ZDHHC14: variants seen among roughly 807,000 people sequenced by gnomAD.
The protein encoded by ZDHHC14 is palmitoyltransferase ZDHHC14.
ZDHHC14 carries 16 observed loss-of-function variants against 47.7 expected under a neutral mutation model. The ratio of observed to expected loss-of-function variants is 0.34; its 90% CI spans 0.23 to 0.51. The LOEUF (loss-of-function observed/expected upper bound fraction) is 0.51, where lower values mean the gene tolerates loss of function less well. ZDHHC14 is among the 20% of genes least tolerant of loss of function. The pLI is 0.97. For synonymous variants in ZDHHC14, 293 were observed against 278.9 expected, an observed-to-expected ratio of 1.05 and a Z score of -0.50; for missense variants, 515 against 662.5, an observed-to-expected ratio of 0.78 and a Z score of 2.44.
At chr6:157,573,847 C>T (rs1783193766) in intron 2 of ZDHHC14, among the ~76,000 whole-genome samples, 1 of 152,100 alleles carries the variant, frequency 6.6e-6, no homozygotes, top group Non-Finnish European at 1.5e-5. Context: ...CAGGGTCCAC[C>T]CTCCCACATC....
chr6:157,444,534 C>T (rs1445219746), intron 1 of ZDHHC14, among the ~76,000 whole-genome samples: 1 of 152,024 alleles, frequency 6.6e-6, no homozygotes, highest in Non-Finnish European at 1.5e-5. Flanking sequence ...AAAATTTAGC[C>T]GGGCATGGTG....
intron 4 of ZDHHC14, chr6:157,630,657 CAT>C: frequency 9.3e-6 from 1 of 107,316 alleles, no homozygotes; most frequent in East Asian, 4.0e-4. Context: ...CACCCACACT[CAT>C]ACTAGCCATA....
At chr6:157,652,051 G>C (rs895406151) in intron 7 of ZDHHC14, among the ~76,000 whole-genome samples, 1 of 152,220 alleles carries the variant, frequency 6.6e-6, no homozygotes, top group Middle Eastern at 3.2e-3. Context: ...AGGGAGGGTT[G>C]CAAAGCTGGT....
intron 2 of ZDHHC14, among the ~76,000 whole-genome samples, chr6:157,574,304 T>A (rs897877382): frequency 6.6e-6 from 1 of 152,060 alleles, no homozygotes; most frequent in African/African-American, 2.4e-5. Flanking sequence ...ATGCCTGTAA[T>A]CCCAGCTACT....
intron 2 of ZDHHC14, among the ~76,000 whole-genome samples, chr6:157,564,907 T>C (rs1782843595): frequency 6.6e-6 from 1 of 152,144 alleles, no homozygotes; most frequent in Non-Finnish European, 1.5e-5. Context: ...GATCTGTGGG[T>C]GAGCTTCTGC....
chr6:157,391,889 T>C (rs1274811425), intron 1 of ZDHHC14, among the ~76,000 whole-genome samples: 1 of 152,252 alleles, frequency 6.6e-6, no homozygotes, highest in Non-Finnish European at 1.5e-5. Flanking sequence ...ATTTCTCGGA[T>C]TCATTTATGT....
chr6:157,598,015 A>C (rs1784199755), intron 3 of ZDHHC14, among the ~76,000 whole-genome samples: 1 of 152,108 alleles, frequency 6.6e-6, no homozygotes, highest in Admixed American at 6.5e-5. Flanking sequence ...CGGGCACTTG[A>C]CTGCATCTTA....
intron 7 of ZDHHC14, among the ~76,000 whole-genome samples, chr6:157,652,592 C>T (rs1200265437): frequency 6.6e-5 from 10 of 152,174 alleles, no homozygotes; most frequent in Non-Finnish European, 8.8e-5. Context: ...AGCCCAGCAC[C>T]GTAGAGTACA....
At chr6:157,521,079 G>A (rs1780894168) in intron 1 of ZDHHC14, among the ~76,000 whole-genome samples, 2 of 152,206 alleles carry the variant, frequency 1.3e-5, no homozygotes, top group Non-Finnish European at 2.9e-5. Context: ...GGGATTGGGG[G>A]AGGGCAGGCC....
chr6:157,490,127 C>T (rs1251980636), intron 1 of ZDHHC14, among the ~76,000 whole-genome samples: 1 of 152,044 alleles, frequency 6.6e-6, no homozygotes, highest in African/African-American at 2.4e-5. Flanking sequence ...ACGCTCATGC[C>T]ATTTACCGGA....
intron 2 of ZDHHC14, among the ~76,000 whole-genome samples, chr6:157,569,868 T>C (rs532408593): frequency 2.6e-4 from 40 of 152,182 alleles, no homozygotes; most frequent in Non-Finnish European, 4.7e-4. Flanking sequence ...CTTTGTAGTT[T>C]CCAACTGTTT....
intron 1 of ZDHHC14, among the ~76,000 whole-genome samples, chr6:157,443,975 T>C (rs17231509): frequency 6.6e-6 from 1 of 151,860 alleles, no homozygotes; most frequent in African/African-American, 2.4e-5. Flanking sequence ...TGTTATCTTA[T>C]TATTTTTCAG....
At chr6:157,531,505 C>T (rs955102925) in intron 1 of ZDHHC14, among the ~76,000 whole-genome samples, 3 of 152,122 alleles carry the variant, frequency 2.0e-5, no homozygotes, top group Non-Finnish European at 4.4e-5. Flanking sequence ...CCCCCCGCTC[C>T]GGCCCACTGA....
intron 3 of ZDHHC14, among the ~76,000 whole-genome samples, chr6:157,612,232 G>A (rs961644580): frequency 4.6e-5 from 7 of 152,006 alleles, no homozygotes; most frequent in Non-Finnish European, 7.4e-5. Context: ...GCTGCAAGCC[G>A]CCATCATCTC....
At chr6:157,423,294 T>A (rs1778146848) in intron 1 of ZDHHC14, among the ~76,000 whole-genome samples, 1 of 152,194 alleles carries the variant, frequency 6.6e-6, no homozygotes, top group Non-Finnish European at 1.5e-5. Context: ...ATTGTAAGTT[T>A]TAGGGACCTT....
At chr6:157,508,136 ATGT>A (rs1191798782) in intron 1 of ZDHHC14, among the ~76,000 whole-genome samples, 8 of 152,062 alleles carry the variant, frequency 5.3e-5, no homozygotes, top group Non-Finnish European at 7.4e-5. Flanking sequence ...AAGCTTTTAG[ATGT>A]TGTTCTTTAC....
chr6:157,491,685 G>A (rs566332461), intron 1 of ZDHHC14, among the ~76,000 whole-genome samples: 1 of 152,262 alleles, frequency 6.6e-6, no homozygotes, highest in East Asian at 1.9e-4. Context: ...GAGTCCCCAG[G>A]CCTGGGGCCG....
At chr6:157,626,689 C>T (rs1186241061) in intron 3 of ZDHHC14, among the ~76,000 whole-genome samples, 1 of 152,108 alleles carries the variant, frequency 6.6e-6, no homozygotes, top group Non-Finnish European at 1.5e-5. Context: ...ATGCAACGTC[C>T]ACAGTTTACA....
intron 1 of ZDHHC14, among the ~76,000 whole-genome samples, chr6:157,542,229 T>G (rs1781792599): frequency 6.6e-6 from 1 of 152,278 alleles, no homozygotes; most frequent in Non-Finnish European, 1.5e-5. Context: ...GGGGATCTCA[T>G]AGACTCCCGA....
Sources: allele counts gnomAD v4.1 joint callset (sites outside exome capture counted in the v4.1 genomes callset), GRCh38; gene constraint gnomAD v4.1.1; transcripts MANE v1.5; gene names NCBI Gene and HGNC (gene_info 2026-07-23, HGNC 2026-07-21).